CCDC178: variants seen among roughly 807,000 people sequenced by gnomAD.
CCDC178 encodes coiled-coil domain-containing protein 178.
A neutral mutation model predicts 117.4 loss-of-function variants in CCDC178; 126 were observed. The ratio of observed to expected loss-of-function variants is 1.07; its 90% CI spans 0.93 to 1.24. The LOEUF (loss-of-function observed/expected upper bound fraction) is 1.24, where lower values mean the gene tolerates loss of function less well. Among genes scored for constraint, CCDC178 ranks in the 50% most tolerant of loss-of-function variants. CCDC178 has a pLI of 0.00. For missense variants in CCDC178, 1,030 were observed against 986.9 expected (o/e 1.04, Z -0.59); for synonymous variants, 283 against 313.4 (o/e 0.90, Z 1.02).
At chr18:33,439,485 G>A (rs8090299) in intron 2 of CCDC178, among the ~76,000 whole-genome samples, 122,982 of 152,178 alleles carry the variant, frequency 0.81, 49,907 homozygotes, top group East Asian at 1. Context: ...CTTTATGACT[G>A]CAACAGTAAA....
intron 10 of CCDC178, among the ~76,000 whole-genome samples, chr18:33,327,385 T>C (rs1306291530): frequency 6.6e-6 from 1 of 152,242 alleles, no homozygotes; most frequent in Non-Finnish European, 1.5e-5. Flanking sequence ...TTGTGAATAG[T>C]GCTACTAATG....
At chr18:33,079,730 C>A (rs2057267297) in intron 21 of CCDC178, among the ~76,000 whole-genome samples, 1 of 152,138 alleles carries the variant, frequency 6.6e-6, no homozygotes, top group Non-Finnish European at 1.5e-5. Context: ...CAATGAGATA[C>A]CATCTCACAC....
intron 12 of CCDC178, among the ~76,000 whole-genome samples, chr18:33,284,955 A>C (rs1384387474): frequency 6.6e-6 from 1 of 151,954 alleles, no homozygotes; most frequent in East Asian, 1.9e-4. Flanking sequence ...ACACACATTA[A>C]ACATGAAAAA....
intron 14 of CCDC178, among the ~76,000 whole-genome samples, chr18:33,248,764 T>A (rs2059580654): frequency 6.6e-6 from 1 of 152,148 alleles, no homozygotes; most frequent in African/African-American, 2.4e-5. Flanking sequence ...TGATTTATAA[T>A]CCTTCAGGTA....
intron 21 of CCDC178, among the ~76,000 whole-genome samples, chr18:33,026,342 G>C (rs2056228273): frequency 1.3e-5 from 2 of 151,988 alleles, no homozygotes; most frequent in Non-Finnish European, 2.9e-5. Context: ...TTTGCAAGAT[G>C]TTACCATTAG....
rs191845489 is a variant in CCDC178, at chr18:33,315,943, C to T, written c.1022+7548G>A. On this transcript the variant is annotated intron_variant, in intron 11 of 22. Coordinates refer to ENST00000383096, the MANE Select transcript of CCDC178 (RefSeq NM_001105528.4). ...AATCCTTCATCACAAACCCTTGTAGCAGAGCACATCTCCCATATATACAAG... is the reference window on the plus strand; with the variant it reads ...AATCCTTCATCACAAACCCTTGTAGTAGAGCACATCTCCCATATATACAAG... Among the ~76,000 whole-genome samples, 4 of 152,348 alleles carry T rather than the reference C, an allele frequency of 2.6e-5. No homozygotes were observed. In the East Asian group the frequency reaches 7.7e-4, roughly 29 times the overall value.
In CCDC178 at chr18:33,432,502, C is replaced by CACAG. The variant is rs1555704591; in HGVS notation, c.-23+7459_-23+7460insCTGT. Among the ~76,000 whole-genome samples the CACAG allele has an allele frequency of 1.5e-3, 233 of 151,724 alleles. 1 individual carries two copies. Among genetic ancestry groups the CACAG allele is most frequent in the African/African-American group, 5.3e-3 (218 of 41,288 alleles). On this transcript the variant is annotated intron_variant, in intron 2 of 22. Coordinates refer to ENST00000383096, the MANE Select transcript of CCDC178 (RefSeq NM_001105528.4). ...ATACACACACACACACACACACACA[C>CACAG]ACACACACACACACACACTAACTGA... is the stretch of plus-strand genomic sequence containing the variant.
At chr18:33,190,570 A>G (rs2058845294) in intron 20 of CCDC178, among the ~76,000 whole-genome samples, 1 of 152,238 alleles carries the variant, frequency 6.6e-6, no homozygotes, top group South Asian at 2.1e-4. Context: ...AGTCAATGAA[A>G]AAAGCTTATA....
At position 33,409,405 on chromosome 18, in the gene CCDC178, G is replaced by A. The variant is rs118136620; in HGVS notation, c.58+2626C>T. 1.7e-3 allele frequency among the ~76,000 whole-genome samples: 256 copies of A among 152,204 alleles called. 11 individuals carry two copies. The East Asian group carries it at 0.044, about 26-fold the overall frequency. Reference sequence around the variant, plus strand: ...TGGCCCCATTAATTATTTTTAGAATGGTGAGAGTTTCCATATGATTGCAGT... The same window carrying A: ...TGGCCCCATTAATTATTTTTAGAATAGTGAGAGTTTCCATATGATTGCAGT... On this transcript the variant is annotated intron_variant, in intron 3 of 22. Coordinates refer to ENST00000383096, the MANE Select transcript of CCDC178 (RefSeq NM_001105528.4).
intron 14 of CCDC178, among the ~76,000 whole-genome samples, chr18:33,249,288 T>A (rs996410332): frequency 1.3e-4 from 20 of 152,036 alleles, no homozygotes; most frequent in South Asian, 2.1e-4. Context: ...CCCAGTTGTC[T>A]ATTTTGGCTT....
At chr18:33,005,843 C>T (rs1329500373) in intron 21 of CCDC178, among the ~76,000 whole-genome samples, 1 of 151,980 alleles carries the variant, frequency 6.6e-6, no homozygotes, top group Non-Finnish European at 1.5e-5. Context: ...CGATACAACT[C>T]CTACCAGTAG....
intron 15 of CCDC178, among the ~76,000 whole-genome samples, chr18:33,236,416 T>C (rs189089082): frequency 2.6e-5 from 4 of 152,222 alleles, no homozygotes; most frequent in African/African-American, 9.6e-5. Flanking sequence ...GATATGCATG[T>C]GTATATTATA....
intron 9 of CCDC178, among the ~76,000 whole-genome samples, chr18:33,343,588 G>A (rs1442555710): frequency 1.3e-5 from 2 of 152,064 alleles, no homozygotes; most frequent in Non-Finnish European, 2.9e-5. Context: ...CATGGGTTGA[G>A]CCCAACAGGA....
intron 4 of CCDC178, among the ~76,000 whole-genome samples, chr18:33,396,172 CA>C (rs1377390523): frequency 6.6e-6 from 1 of 151,892 alleles, no homozygotes; most frequent in Non-Finnish European, 1.5e-5. Context: ...AAGTGGAACT[CA>C]AAATGCCAAA....
intron 14 of CCDC178, among the ~76,000 whole-genome samples, chr18:33,260,538 A>G (rs899911078): frequency 6.6e-6 from 1 of 151,556 alleles, no homozygotes; most frequent in Admixed American, 6.6e-5. Flanking sequence ...TCTCAGATAT[A>G]GCTATAACAA....
intron 5 of CCDC178, among the ~76,000 whole-genome samples, chr18:33,374,529 G>A (rs1459974081): frequency 6.6e-6 from 1 of 152,266 alleles, no homozygotes; most frequent in East Asian, 1.9e-4. Flanking sequence ...TTTATACATT[G>A]CTAGTGGAAA....
intron 20 of CCDC178, among the ~76,000 whole-genome samples, chr18:33,188,863 G>A (rs965274522): frequency 6.6e-6 from 1 of 152,156 alleles, no homozygotes; most frequent in Non-Finnish European, 1.5e-5. Flanking sequence ...GGCAGCAATA[G>A]AAAATGACTA....
rs190943139 is a variant in CCDC178 at position 33,419,736 on chromosome 18, T to C, written c.-22-7626A>G. On this transcript the variant is annotated intron_variant, in intron 2 of 22. Transcript: ENST00000383096. ...AATGCTAATCAAAACCACAATGCGA[T>C]ATCATCTCACACCAGTCAGAATGGC... Among the ~76,000 whole-genome samples, 375 of 152,262 alleles carry C rather than the reference T, an allele frequency of 2.5e-3. 1 individual carries two copies. The highest frequency in any genetic ancestry group is 8.5e-3 in the African/African-American group (354 of 41,562).
At chr18:33,235,653 A>G (rs537319277) in intron 15 of CCDC178, among the ~76,000 whole-genome samples, 63 of 152,038 alleles carry the variant, frequency 4.1e-4, no homozygotes, top group Non-Finnish European at 7.1e-4. Flanking sequence ...TCACTTTTCC[A>G]CCAGAATTCC....
Sources: allele counts gnomAD v4.1 joint callset (sites outside exome capture counted in the v4.1 genomes callset), GRCh38; gene constraint gnomAD v4.1.1; transcripts MANE v1.5; gene names NCBI Gene and HGNC (gene_info 2026-07-23, HGNC 2026-07-21).